Variants in ARHGAP15 observed in about 807,000 individuals in gnomAD.
ARHGAP15 encodes rho GTPase-activating protein 15.
ARHGAP15 carries 51 observed loss-of-function variants against 63.7 expected under a neutral mutation model. The observed-to-expected ratio is 0.80, with a 90% CI of 0.64 to 1.01. The LOEUF (loss-of-function observed/expected upper bound fraction) is 1.01, where lower values mean the gene tolerates loss of function less well. Among genes scored for constraint, ARHGAP15 ranks in the 50% least tolerant of loss-of-function variants. The pLI is 0.00. For missense variants in ARHGAP15, 560 were observed against 564.6 expected (o/e 0.99, Z 0.08); for synonymous variants, 191 against 193.8 (o/e 0.99, Z 0.12).
intron 6 of ARHGAP15, among the ~76,000 whole-genome samples, chr2:143,324,391 G>A (rs1367185058): frequency 6.6e-6 from 1 of 152,148 alleles, no homozygotes; most frequent in Admixed American, 6.5e-5. Flanking sequence ...TGAATTACAT[G>A]CTAAAAATGA....
chr2:143,435,596 T>TTG lies in ARHGAP15; in HGVS notation c.475-5_475-4insTG. 1.3e-6 allele frequency: 2 copies of TTG among 1,536,426 alleles called. No homozygotes were observed. Among genetic ancestry groups the TTG allele is most frequent in the African/African-American group, 1.4e-5 (1 of 70,366 alleles). On this transcript the variant is annotated splice_region_variant and splice_polypyrimidine_tract_variant and intron_variant, in intron 6 of 13. Coordinates refer to ENST00000295095, the MANE Select transcript of ARHGAP15 (RefSeq NM_018460.4). The stretch of plus-strand genomic sequence containing the variant: ...TATTTCTTTTTCTTTTTTTTTTTTT[T>TTG]GCAGATCACAACAGTATCAGGAAAT...
chr2:143,474,922 A>T (rs28380327), intron 8 of ARHGAP15, among the ~76,000 whole-genome samples: 40,347 of 152,180 alleles, frequency 0.27, 6,493 homozygotes, highest in Non-Finnish European at 0.37. Context: ...GGCAGTAAGT[A>T]AATCTCCCAT....
chr2:143,637,111 C>A (rs536804013), intron 12 of ARHGAP15, among the ~76,000 whole-genome samples: 2 of 152,050 alleles, frequency 1.3e-5, no homozygotes, highest in East Asian at 1.9e-4. Flanking sequence ...GTTGCCCCCC[C>A]CAAAGACCCT....
chr2:143,179,143 C>A (rs1691126330), intron 2 of ARHGAP15, among the ~76,000 whole-genome samples: 2 of 152,328 alleles, frequency 1.3e-5, no homozygotes, highest in African/African-American at 4.8e-5. Context: ...CAGATTCCTG[C>A]ACCTAACCTA....
At chr2:143,646,468 A>G (rs1384923603) in intron 12 of ARHGAP15, among the ~76,000 whole-genome samples, 1 of 151,746 alleles carries the variant, frequency 6.6e-6, no homozygotes, top group Admixed American at 6.6e-5. Context: ...GTTGATTACT[A>G]TACACCAGGG....
At chr2:143,362,438 T>C (rs150423572) in intron 6 of ARHGAP15, among the ~76,000 whole-genome samples, 2,393 of 152,312 alleles carry the variant, frequency 0.016, 29 homozygotes, top group Middle Eastern at 0.092. Flanking sequence ...TTCTGCGTCC[T>C]CCTCTTCACC....
At chr2:143,390,863 C>A (rs1330663504) in intron 6 of ARHGAP15, among the ~76,000 whole-genome samples, 2 of 152,148 alleles carry the variant, frequency 1.3e-5, no homozygotes, top group Non-Finnish European at 2.9e-5. Flanking sequence ...TTTACAGCAA[C>A]CCTGATTATT....
rs1367811014 is a variant in ARHGAP15, at chr2:143,364,215, A to C, written c.475-71386A>C. On this transcript the variant is annotated intron_variant, in intron 6 of 13. Coordinates refer to ENST00000295095, the MANE Select transcript of ARHGAP15 (RefSeq NM_018460.4). ...CAAACAACAACAACAAAAAAAAAAAAAAAACATTCAATCATCCATTACATA... is the reference window on the plus strand; with the variant it reads ...CAAACAACAACAACAAAAAAAAAAACAAAACATTCAATCATCCATTACATA... Among the ~76,000 whole-genome samples, 14 of 151,770 alleles carry C rather than the reference A, an allele frequency of 9.2e-5. No individual in the cohort carries two copies. In the South Asian group the frequency reaches 2.8e-3, roughly 30 times the overall value.
intron 13 of ARHGAP15, among the ~76,000 whole-genome samples, chr2:143,748,048 G>C (rs1274413786): frequency 6.6e-6 from 1 of 152,102 alleles, no homozygotes; most frequent in African/African-American, 2.4e-5. Context: ...ATTAATTTTA[G>C]AATATAGAAC....
intron 6 of ARHGAP15, among the ~76,000 whole-genome samples, chr2:143,393,801 T>C (rs1055235657): frequency 2.0e-5 from 3 of 150,812 alleles, no homozygotes; most frequent in Non-Finnish European, 4.4e-5. Flanking sequence ...CAGGACTGTC[T>C]TCCCCGTTGG....
chr2:143,700,571 C>T (rs1684041309), intron 12 of ARHGAP15, among the ~76,000 whole-genome samples: 1 of 152,138 alleles, frequency 6.6e-6, no homozygotes, highest in Admixed American at 6.6e-5. Context: ...ATCCCCTTCC[C>T]AGTTTCATAC....
At chr2:143,550,817 T>C (rs1264578729) in intron 10 of ARHGAP15, among the ~76,000 whole-genome samples, 1 of 152,168 alleles carries the variant, frequency 6.6e-6, no homozygotes, top group Non-Finnish European at 1.5e-5. Flanking sequence ...TATTAACCCA[T>C]AGATAAGTCT....
chr2:143,525,060 C>A (rs1048918728), intron 10 of ARHGAP15, among the ~76,000 whole-genome samples: 1 of 152,080 alleles, frequency 6.6e-6, no homozygotes, highest in Non-Finnish European at 1.5e-5. Context: ...ATCCAGGCCC[C>A]GAAACTGCAG....
At chr2:143,375,308 T>C (rs1686755048) in intron 6 of ARHGAP15, among the ~76,000 whole-genome samples, 1 of 152,198 alleles carries the variant, frequency 6.6e-6, no homozygotes, top group Non-Finnish European at 1.5e-5. Flanking sequence ...CCCTCCTCTC[T>C]TCACCTCTCA....
intron 11 of ARHGAP15, among the ~76,000 whole-genome samples, chr2:143,594,170 A>G (rs1041265696): frequency 5.9e-5 from 9 of 152,168 alleles, no homozygotes; most frequent in Admixed American, 5.9e-4. Flanking sequence ...TCAGGTAGCA[A>G]ATATCTTCTC....
At chr2:143,223,913 A>C (rs1693100645) in intron 4 of ARHGAP15, among the ~76,000 whole-genome samples, 1 of 152,216 alleles carries the variant, frequency 6.6e-6, no homozygotes, top group South Asian at 2.1e-4. Flanking sequence ...GGAGTATCCT[A>C]GGCTCATTCA....
At chr2:143,419,617 A>G (rs1192734418) in intron 6 of ARHGAP15, among the ~76,000 whole-genome samples, 1 of 151,788 alleles carries the variant, frequency 6.6e-6, no homozygotes, top group East Asian at 1.9e-4. Flanking sequence ...ACGATATTGT[A>G]TATTTAATTT....
At chr2:143,330,440 A>G (rs1235909629) in intron 6 of ARHGAP15, among the ~76,000 whole-genome samples, 2 of 152,122 alleles carry the variant, frequency 1.3e-5, no homozygotes, top group African/African-American at 2.4e-5. Context: ...TAAAATACCC[A>G]TAGTAATTTG....
chr2:143,538,591 G>A (rs553837247), intron 10 of ARHGAP15, among the ~76,000 whole-genome samples: 3 of 152,026 alleles, frequency 2.0e-5, no homozygotes, highest in Admixed American at 2.0e-4. Context: ...TAGCATGAAG[G>A]GTTGTTGAAT....
Sources: gnomAD v4.1 joint callset for allele counts (sites outside exome capture counted in the v4.1 genomes callset) on GRCh38, gnomAD v4.1.1 for gene constraint, MANE v1.5 for transcripts, NCBI Gene and HGNC (gene_info 2026-07-23, HGNC 2026-07-21) for gene names.